LRRC37A2: variants seen among roughly 807,000 people sequenced by gnomAD.
LRRC37A2 encodes leucine-rich repeat-containing protein 37A2.
In LRRC37A2, 9 loss-of-function variants were observed where a neutral mutation model predicts 68.8. That is an observed-to-expected ratio of 0.13 (90% CI 0.08 to 0.23). The LOEUF (loss-of-function observed/expected upper bound fraction) is 0.23, where lower values mean the gene tolerates loss of function less well. Ranked by LOEUF, LRRC37A2 falls within the 10% of genes least tolerant of loss-of-function variation. The pLI is 1.00. For synonymous variants in LRRC37A2, 63 were observed against 367.6 expected, an observed-to-expected ratio of 0.17 and a Z score of 9.48; for missense variants, 168 against 950.4, an observed-to-expected ratio of 0.18 and a Z score of 10.82.
At chr17:46,832,225 T>G in the LRRC37A2 span, among the ~76,000 whole-genome samples, 22 of 151,936 alleles carry the variant, frequency 1.4e-4, no homozygotes, top group African/African-American at 5.3e-4. Flanking sequence ...GTTTAAGCCT[T>G]GGTTCCAGAA....
At chr17:46,883,042 G>T in the LRRC37A2 span, among the ~76,000 whole-genome samples, 1 of 151,396 alleles carries the variant, frequency 6.6e-6, no homozygotes, top group Admixed American at 6.6e-5. Context: ...GCAGTGGCAT[G>T]ATCTCTGCTC....
At chr17:47,008,644 TG>T in the LRRC37A2 span, among the ~76,000 whole-genome samples, 1 of 151,666 alleles carries the variant, frequency 6.6e-6, no homozygotes, top group Admixed American at 6.6e-5. Flanking sequence ...TGTTTTGTTT[TG>T]TTTTTTGTAT....
the LRRC37A2 span, among the ~76,000 whole-genome samples, chr17:46,725,195 A>G: frequency 6.6e-6 from 1 of 152,216 alleles, no homozygotes; most frequent in Non-Finnish European, 1.5e-5. Context: ...ATGGAATTGG[A>G]ACTTGTGTTG....
the LRRC37A2 span, among the ~76,000 whole-genome samples, chr17:47,001,951 C>A: frequency 6.6e-6 from 1 of 152,014 alleles, no homozygotes; most frequent in Non-Finnish European, 1.5e-5. Flanking sequence ...GTTGGCCAGG[C>A]TGGTCTTGAA....
chr17:47,033,327 A>C, the LRRC37A2 span: 2 of 699,674 alleles, frequency 2.9e-6, no homozygotes, highest in Non-Finnish European at 5.2e-6. Context: ...TACGTGATGC[A>C]GTCCGAGGTC....
At chr17:46,794,752 CTTTTTTT>C in the LRRC37A2 span, among the ~76,000 whole-genome samples, 342 of 129,280 alleles carry the variant, frequency 2.6e-3, no homozygotes, top group African/African-American at 9.0e-3. Flanking sequence ...CTTTCTTTTT[CTTTTTTT>C]TTTTTTTTTT....
chr17:46,970,532 T>C, the LRRC37A2 span, among the ~76,000 whole-genome samples: 1 of 72,176 alleles, frequency 1.4e-5, no homozygotes, highest in Non-Finnish European at 2.4e-5. Flanking sequence ...ACAGACTCCA[T>C]CTCAAAAAAA....
the LRRC37A2 span, among the ~76,000 whole-genome samples, chr17:46,786,061 A>ACC: frequency 8.3e-4 from 28 of 33,586 alleles, no homozygotes; most frequent in African/African-American, 2.2e-3. Flanking sequence ...TTTCTTACCC[A>ACC]CCCCCCCACC....
chr17:46,678,397 G>T, the LRRC37A2 span, among the ~76,000 whole-genome samples: 3 of 123,184 alleles, frequency 2.4e-5, no homozygotes, highest in African/African-American at 9.3e-5. Context: ...TAAATAGCAG[G>T]TTAGACACAT....
the LRRC37A2 span, among the ~76,000 whole-genome samples, chr17:46,980,345 T>TTCTC: frequency 4.3e-5 from 1 of 23,362 alleles, no homozygotes; most frequent in Admixed American, 3.3e-4. Context: ...CCTTCTCTCC[T>TTCTC]TCCTTCCTTC....
chr17:46,958,202 G>T, the LRRC37A2 span, among the ~76,000 whole-genome samples: 1 of 152,208 alleles, frequency 6.6e-6, no homozygotes, highest in Non-Finnish European at 1.5e-5. Flanking sequence ...GTTTGGTCAG[G>T]CCAACCAACT....
chr17:46,713,989 A>G, the LRRC37A2 span: 2 of 1,598,256 alleles, frequency 1.3e-6, no homozygotes, highest in Non-Finnish European at 1.7e-6. Context: ...TGAAGAAGGT[A>G]TCAAGATTTT....
the LRRC37A2 span, among the ~76,000 whole-genome samples, chr17:46,868,466 C>T: frequency 6.6e-6 from 1 of 152,024 alleles, no homozygotes. Context: ...CGTGGTGGCA[C>T]GTGCCCATAA....
the LRRC37A2 span, among the ~76,000 whole-genome samples, chr17:46,761,140 G>C: frequency 6.6e-6 from 1 of 152,288 alleles, no homozygotes; most frequent in East Asian, 1.9e-4. Context: ...TGTCCGATTC[G>C]TTGTATGGCT....
intron 8 of LRRC37A2, among the ~76,000 whole-genome samples, chr17:46,545,016 C>A (rs1273547020): frequency 7.2e-6 from 1 of 139,626 alleles, no homozygotes. Flanking sequence ...TGATGAAATT[C>A]AAGTTAAGCA....
the LRRC37A2 span, chr17:46,872,684 C>T: frequency 2.5e-5 from 41 of 1,613,462 alleles, no homozygotes; most frequent in Non-Finnish European, 3.3e-5. Flanking sequence ...AGGGATGCTG[C>T]GCACCTCGGC....
the LRRC37A2 span, among the ~76,000 whole-genome samples, chr17:46,705,263 GTC>G: frequency 3.9e-4 from 47 of 119,394 alleles, no homozygotes; most frequent in East Asian, 4.3e-4. Flanking sequence ...ATCCTCCTCT[GTC>G]TCTCTCTCTC....
chr17:46,813,247 A>G, the LRRC37A2 span, among the ~76,000 whole-genome samples: 2 of 151,956 alleles, frequency 1.3e-5, no homozygotes, highest in African/African-American at 4.8e-5. Context: ...CTGAGAGGCA[A>G]AAGGGACCCC....
chr17:47,010,220 T>A, the LRRC37A2 span, among the ~76,000 whole-genome samples: 1 of 152,196 alleles, frequency 6.6e-6, no homozygotes, highest in African/African-American at 2.4e-5. Flanking sequence ...ATGGGCTGTG[T>A]CCTCTGGCCC....
Sources: allele counts gnomAD v4.1 joint callset (sites outside exome capture counted in the v4.1 genomes callset), GRCh38; gene constraint gnomAD v4.1.1; transcripts MANE v1.5; gene names NCBI Gene and HGNC (gene_info 2026-07-23, HGNC 2026-07-21).